STK3: variants seen among roughly 807,000 people sequenced by gnomAD.
The protein encoded by STK3 is serine/threonine-protein kinase 3.
In STK3, 41 loss-of-function variants were observed where a neutral mutation model predicts 58.0. The observed-to-expected ratio is 0.71, with a 90% CI of 0.55 to 0.92. The LOEUF (loss-of-function observed/expected upper bound fraction) is 0.92. Among genes scored for constraint, STK3 ranks in the 40% least tolerant of loss-of-function variants. The pLI is 0.00. For synonymous variants in STK3, 170 were observed against 191.0 expected, an observed-to-expected ratio of 0.89 and a Z score of 0.91; for missense variants, 479 against 602.7, an observed-to-expected ratio of 0.79 and a Z score of 2.15.
intron 1 of STK3, among the ~76,000 whole-genome samples, chr8:98,916,150 C>G (rs1839340364): frequency 6.6e-6 from 1 of 152,194 alleles, no homozygotes; most frequent in South Asian, 2.1e-4. Flanking sequence ...CGTGGTGGCT[C>G]ACGCCTGTAA....
intron 2 of STK3, among the ~76,000 whole-genome samples, chr8:98,372,126 G>C (rs1252459881): frequency 6.6e-6 from 1 of 152,088 alleles, no homozygotes; most frequent in Non-Finnish European, 1.5e-5. Context: ...GGAATATGAA[G>C]GATTGCCAGC....
chr8:98,681,927 G>A (rs1446201017), intron 6 of STK3, among the ~76,000 whole-genome samples: 1 of 152,244 alleles, frequency 6.6e-6, no homozygotes, highest in Non-Finnish European at 1.5e-5. Flanking sequence ...CCTACTAGCA[G>A]TGTATTACCT....
chr8:98,660,736 T>C (rs1821907575), intron 6 of STK3, among the ~76,000 whole-genome samples: 1 of 152,092 alleles, frequency 6.6e-6, no homozygotes, highest in Non-Finnish European at 1.5e-5. Flanking sequence ...CCTTTACCAA[T>C]GCAATCAGTA....
chr8:98,923,852 T>TGCGCGCGCGC (rs1491328554), intron 1 of STK3, among the ~76,000 whole-genome samples: 12 of 128,302 alleles, frequency 9.4e-5, no homozygotes, highest in African/African-American at 3.4e-4. Context: ...TGTGTGTGTG[T>TGCGCGCGCGC]GTGCGCGCGC....
At chr8:98,499,974 C>T (rs796895357) in intron 10 of STK3, among the ~76,000 whole-genome samples, 2 of 152,164 alleles carry the variant, frequency 1.3e-5, no homozygotes, top group African/African-American at 4.8e-5. Context: ...TGGTAAGCTC[C>T]TCAAGATATT....
intron 6 of STK3, among the ~76,000 whole-genome samples, chr8:98,689,418 A>G (rs142686050): frequency 6.6e-6 from 1 of 152,162 alleles, no homozygotes; most frequent in Non-Finnish European, 1.5e-5. Context: ...TGGCAAAGAC[A>G]TAACAAAAAA....
At chr8:98,870,014 G>A (rs1348039838) in intron 3 of STK3, among the ~76,000 whole-genome samples, 2 of 151,944 alleles carry the variant, frequency 1.3e-5, no homozygotes, top group Non-Finnish European at 2.9e-5. Flanking sequence ...CCCATGACAG[G>A]CCCTAGTGTG....
chr8:98,708,112 C>G (rs1400239327), intron 4 of STK3, among the ~76,000 whole-genome samples: 1 of 150,260 alleles, frequency 6.7e-6, no homozygotes, highest in African/African-American at 2.5e-5. Flanking sequence ...GCATGCCAGC[C>G]TGGGCGACAC....
chr8:98,805,525 G>C (rs1388038030), intron 1 of STK3, among the ~76,000 whole-genome samples: 1 of 152,074 alleles, frequency 6.6e-6, no homozygotes, highest in Non-Finnish European at 1.5e-5. Flanking sequence ...AGTGAGCCAA[G>C]ATCATGCCAC....
intron 1 of STK3, among the ~76,000 whole-genome samples, chr8:98,784,467 C>T (rs1832326868): frequency 6.6e-6 from 1 of 152,236 alleles, no homozygotes; most frequent in African/African-American, 2.4e-5. Context: ...TTGGTTGCCA[C>T]AGCCTGTTCC....
intron 3 of STK3, among the ~76,000 whole-genome samples, chr8:98,404,759 C>A (rs574026385): frequency 4.4e-4 from 67 of 150,926 alleles, no homozygotes; most frequent in African/African-American, 1.4e-3. Flanking sequence ...GCTGAGGTGG[C>A]AGGATTGCTT....
At chr8:98,841,932 G>T (rs1836005856) in intron 3 of STK3, among the ~76,000 whole-genome samples, 1 of 152,016 alleles carries the variant, frequency 6.6e-6, no homozygotes, top group Non-Finnish European at 1.5e-5. Context: ...AAGTTTTCAG[G>T]AAATGTTGAT....
At chr8:98,672,621 G>C (rs1776382898) in intron 6 of STK3, among the ~76,000 whole-genome samples, 2 of 152,210 alleles carry the variant, frequency 1.3e-5, no homozygotes, top group South Asian at 2.1e-4. Flanking sequence ...TCAAAGTTCA[G>C]CTAAGTAAAG....
chr8:98,703,657 C>T (rs1174127574), intron 6 of STK3, among the ~76,000 whole-genome samples: 1 of 152,126 alleles, frequency 6.6e-6, no homozygotes, highest in Non-Finnish European at 1.5e-5. Context: ...ACCCCTTGAA[C>T]TGTCTCTCAG....
chr8:98,500,174 CAA>C (rs11367582), intron 10 of STK3, among the ~76,000 whole-genome samples: 1 of 151,424 alleles, frequency 6.6e-6, no homozygotes, highest in Non-Finnish European at 1.5e-5. Context: ...GTCATGTGAC[CAA>C]AAAAAAAGAA....
At chr8:98,411,810 G>A (rs1818060433) in intron 3 of STK3, among the ~76,000 whole-genome samples, 1 of 152,202 alleles carries the variant, frequency 6.6e-6, no homozygotes, top group Non-Finnish European at 1.5e-5. Flanking sequence ...GGCTGGATCT[G>A]AAGTGTTCCC....
At chr8:98,437,758 G>A (rs1376717606) in intron 1 of STK3, 5 of 152,206 alleles carry the variant, frequency 3.3e-5, no homozygotes, top group South Asian at 2.1e-4. Context: ...GAGCGGCTAC[G>A]TTGTAACCCA....
downstream of STK3, chr8:98,882,612 T>G (rs1837839680): frequency 6.6e-6 from 1 of 152,244 alleles, no homozygotes. Flanking sequence ...AGACGGGGTT[T>G]CACCATGTTG....
intron 6 of STK3, among the ~76,000 whole-genome samples, chr8:98,665,707 A>AT (rs373663162): frequency 0.038 from 5,217 of 138,854 alleles, 312 homozygotes; most frequent in African/African-American, 0.13. Context: ...ACCCATCCTG[A>AT]TTTTTTTTTT....
Sources: gnomAD v4.1 joint callset for allele counts (sites outside exome capture counted in the v4.1 genomes callset) on GRCh38, gnomAD v4.1.1 for gene constraint, MANE v1.5 for transcripts, NCBI Gene and HGNC (gene_info 2026-07-23, HGNC 2026-07-21) for gene names.